Variants in PIEZO2 observed in about 807,000 individuals in gnomAD.
PIEZO2 encodes the protein piezo type mechanosensitive ion channel component 2, also known as piezo-type mechanosensitive ion channel component 2.
PIEZO2 carries 172 observed loss-of-function variants against 337.3 expected under a neutral mutation model. That is an observed-to-expected ratio of 0.51 (90% CI 0.45 to 0.58). The LOEUF (loss-of-function observed/expected upper bound fraction) is 0.58, where lower values mean the gene tolerates loss of function less well. Ranked by LOEUF, PIEZO2 falls within the 20% of genes least tolerant of loss-of-function variation. The pLI is 0.00. For synonymous variants in PIEZO2, 1,251 were observed against 1,228.5 expected, an observed-to-expected ratio of 1.02 and a Z score of -0.38; for missense variants, 3,028 against 3,391.3, an observed-to-expected ratio of 0.89 and a Z score of 2.66.
At chr18:10,992,369 ATGTTTAAG>A (rs1261067338) in intron 2 of PIEZO2, among the ~76,000 whole-genome samples, 1 of 152,174 alleles carries the variant, frequency 6.6e-6, no homozygotes, top group East Asian at 1.9e-4. Flanking sequence ...TTTAGGTCTT[ATGTTTAAG>A]TGCTTAATCC....
At chr18:10,812,313 G>C (rs1219322977) in intron 7 of PIEZO2, among the ~76,000 whole-genome samples, 2 of 152,074 alleles carry the variant, frequency 1.3e-5, no homozygotes, top group Admixed American at 1.3e-4. Context: ...ACTTGTAAGT[G>C]GGAGTTAAAC....
At chr18:10,922,594 G>A (rs202090411) in intron 3 of PIEZO2, among the ~76,000 whole-genome samples, 38 of 152,166 alleles carry the variant, frequency 2.5e-4, no homozygotes, top group Admixed American at 2.0e-3. Flanking sequence ...CTGAGCATGA[G>A]TAGAGGAGCA....
In PIEZO2 at chr18:11,077,684, A is replaced by G. The variant is rs537682786; in HGVS notation, c.65-11462T>C. ...GTTCTCTCTTTATAGATTCATAGAGATTTCAAGTTTGGGAAGTTGTTGCTC... is the reference window on the plus strand; with the variant it reads ...GTTCTCTCTTTATAGATTCATAGAGGTTTCAAGTTTGGGAAGTTGTTGCTC... On this transcript the variant is annotated intron_variant, in intron 1 of 55. Transcript: ENST00000674853. This position sits in a 1 kb window ranked among gnomAD's most constrained non-coding sequence, Gnocchi z 4.8. 9.3e-4 allele frequency among the ~76,000 whole-genome samples: 141 copies of G among 152,110 alleles called. No homozygotes were observed. Among genetic ancestry groups the G allele is most frequent in the African/African-American group, 3.3e-3 (136 of 41,460 alleles).
rs72870649 is a variant in PIEZO2 at position 11,016,723 on chromosome 18, T to C, written c.161-37063A>G. Among the ~76,000 whole-genome samples the C allele has an allele frequency of 0.03, 4,569 of 152,108 alleles. 219 individuals carry two copies. Among genetic ancestry groups the C allele is most frequent in the African/African-American group, 0.1 (4,353 of 41,480 alleles). On this transcript the variant is annotated intron_variant, in intron 2 of 55. Transcript: ENST00000674853. The surrounding 1 kb of genome is among the most constrained non-coding windows in gnomAD (Gnocchi z 5.6). ...CATGATGAAAAACTCCATCAAATAA[T>C]GTAATGTTTTTTCACTGGAGGCAAA...
intron 2 of PIEZO2, among the ~76,000 whole-genome samples, chr18:11,026,721 A>G (rs1280846836): frequency 6.6e-6 from 1 of 152,158 alleles, no homozygotes; most frequent in Non-Finnish European, 1.5e-5. Flanking sequence ...AAGGGACCAA[A>G]TGCTCAACTT....
intron 41 of PIEZO2, among the ~76,000 whole-genome samples, chr18:10,704,979 C>T (rs1224230811): frequency 2.0e-5 from 3 of 152,248 alleles, no homozygotes; most frequent in African/African-American, 7.2e-5. Flanking sequence ...GCATGAGCCA[C>T]TGCGCCCGGC....
intron 33 of PIEZO2, among the ~76,000 whole-genome samples, chr18:10,737,298 C>CAAAAAAAAAAAAAAAAAA (rs962564265): frequency 9.6e-6 from 1 of 104,572 alleles, no homozygotes; most frequent in African/African-American, 4.1e-5. Context: ...AAAAAAAAAA[C>CAAAAAAAAAAAAAAAAAA]AAAAAAACAC....
intron 45 of PIEZO2, 125 bp from the exon 46 acceptor site, chr18:10,696,664 T>C: frequency 9.2e-7 from 1 of 1,081,380 alleles, no homozygotes; most frequent in Non-Finnish European, 1.3e-6. Flanking sequence ...CCCACCTTCC[T>C]CTCTCTGCCT....
At chr18:10,843,728 C>G (rs1312544828) in intron 7 of PIEZO2, among the ~76,000 whole-genome samples, 1 of 152,208 alleles carries the variant, frequency 6.6e-6, no homozygotes, top group African/African-American at 2.4e-5. Flanking sequence ...CAATGAGATA[C>G]AGTTTCCGAC....
chr18:11,018,181 C>G (rs998203962), intron 2 of PIEZO2, among the ~76,000 whole-genome samples: 1 of 150,878 alleles, frequency 6.6e-6, no homozygotes, highest in South Asian at 2.1e-4. Context: ...GTTCCTGCCT[C>G]AGTCATCGCA....
rs1055065472 is a variant in PIEZO2, at chr18:11,102,474, T to C, written c.65-36252A>G. 6.6e-6 allele frequency among the ~76,000 whole-genome samples: 1 copy of C among 152,018 alleles called. No individual in the cohort carries two copies. Among genetic ancestry groups the C allele is most frequent in the Admixed American group, 6.5e-5 (1 of 15,280 alleles). ...CCCACCAGGCTGGTGCAGTGGCAGGTGGCCAGCCTTTACCCTTATTCCCTT... is the reference window on the plus strand; with the variant it reads ...CCCACCAGGCTGGTGCAGTGGCAGGCGGCCAGCCTTTACCCTTATTCCCTT... On this transcript the variant is annotated intron_variant, in intron 1 of 55. Coordinates refer to ENST00000674853, the MANE Select transcript of PIEZO2 (RefSeq NM_001378183.1). This position sits in a 1 kb window ranked among gnomAD's most constrained non-coding sequence, Gnocchi z 5.7.
chr18:10,974,630 C>T (rs1317381142), intron 3 of PIEZO2, among the ~76,000 whole-genome samples: 1 of 152,164 alleles, frequency 6.6e-6, no homozygotes, highest in Non-Finnish European at 1.5e-5. Flanking sequence ...GAATGGAAAG[C>T]CAGACAGATC....
intron 3 of PIEZO2, among the ~76,000 whole-genome samples, chr18:10,951,300 C>T (rs2033284923): frequency 6.6e-6 from 1 of 152,184 alleles, no homozygotes; most frequent in Non-Finnish European, 1.5e-5. Context: ...ATACCAAAGA[C>T]CATCTGGTCT....
At position 10,942,596 on chromosome 18, in the gene PIEZO2, C is replaced by A. The variant is rs574257770; in HGVS notation, c.287-31368G>T. ...TCAAGAGGGTCCTGTAAAAGGCATT[C>A]AGTTTTAGAAGAGAAGCAGAGCACA... On this transcript the variant is annotated intron_variant, in intron 3 of 55. Coordinates refer to ENST00000674853, the MANE Select transcript of PIEZO2 (RefSeq NM_001378183.1). This position sits in a 1 kb window ranked among gnomAD's most constrained non-coding sequence, Gnocchi z 4.4. Among the ~76,000 whole-genome samples the A allele has an allele frequency of 6.6e-6, 1 of 152,242 alleles. No homozygotes were observed. Among genetic ancestry groups the A allele is most frequent in the South Asian group, 2.1e-4 (1 of 4,816 alleles).
intron 14 of PIEZO2, among the ~76,000 whole-genome samples, chr18:10,789,780 T>TAAAAG (rs2039349329): frequency 6.6e-6 from 1 of 152,154 alleles, no homozygotes; most frequent in Admixed American, 6.5e-5. Flanking sequence ...GCTAACAATC[T>TAAAAG]TAAACAAAAA....
In PIEZO2 at chr18:10,705,403, T is replaced by C; in HGVS notation, c.5932A>G (p.Lys1978Glu). ...AVSPDDSRTD[K>E]LGSSILPPLT... ...GGAGGTAAGATGCTGGACCCCAGCTTGTCGGTGCGGCTGTCGTCCGGGCTG... is the reference window on the plus strand; with the variant it reads ...GGAGGTAAGATGCTGGACCCCAGCTCGTCGGTGCGGCTGTCGTCCGGGCTG... Residue 1978 changes from lysine (K) to glutamate (E), a missense_variant, in exon 41 of 56, where the codon AAG becomes GAG. Physicochemically the swap from Lys to Glu is moderately conservative, Grantham distance 56 (BLOSUM62 1). Coordinates refer to ENST00000674853, the MANE Select transcript of PIEZO2 (RefSeq NM_001378183.1). 1.3e-6 allele frequency: 2 copies of C among 1,537,252 alleles called. No homozygotes were observed. The highest frequency in any genetic ancestry group is 8.7e-7 in the Non-Finnish European group (1 of 1,146,906).
chr18:10,684,717 T>G (rs2034470056), intron 49 of PIEZO2, among the ~76,000 whole-genome samples: 1 of 149,564 alleles, frequency 6.7e-6, no homozygotes, highest in African/African-American at 2.5e-5. Flanking sequence ...CCACCTGCCT[T>G]GGCCTCCCAA....
chr18:10,893,049 A>C (rs1341329755), intron 4 of PIEZO2, among the ~76,000 whole-genome samples: 1 of 152,164 alleles, frequency 6.6e-6, no homozygotes, highest in Non-Finnish European at 1.5e-5. Flanking sequence ...GCCAGGATAA[A>C]ATTAACAATG....
intron 4 of PIEZO2, among the ~76,000 whole-genome samples, chr18:10,910,299 C>T (rs2145066053): frequency 6.6e-6 from 1 of 152,300 alleles, no homozygotes; most frequent in Admixed American, 6.5e-5. Context: ...ACTGCATTGA[C>T]CAGCGGGTGC....
Sources: gnomAD v4.1 joint callset for allele counts (sites outside exome capture counted in the v4.1 genomes callset) on GRCh38, gnomAD v4.1.1 for gene constraint, Gnocchi (gnomAD v3.1) non-coding constraint, MANE v1.5 for transcripts, NCBI Gene and HGNC (gene_info 2026-07-23, HGNC 2026-07-21) for gene names.